The following PYGB variants were observed in gnomAD, a reference collection of about 807,000 sequenced individuals.
The protein encoded by PYGB is glycogen phosphorylase B, also known as glycogen phosphorylase, brain form.
Under a neutral mutation model 94.3 loss-of-function variants are expected in PYGB, and 82 were observed. That is an observed-to-expected ratio of 0.87 (90% confidence interval 0.73 to 1.04). The LOEUF (loss-of-function observed/expected upper bound fraction) is 1.04, where lower values mean the gene tolerates loss of function less well. Ranked by LOEUF, PYGB falls within the 50% of genes least tolerant of loss-of-function variation. The pLI, the probability that PYGB is intolerant of heterozygous loss-of-function variation, is 0.00. For missense variants in PYGB, 1,132 were observed against 1,158.2 expected (o/e 0.98, Z 0.33); for synonymous variants, 488 against 479.1 (o/e 1.02, Z -0.24).
Position 25,280,975 on chromosome 20 carries a change from T to C in PYGB, c.1266T>C (p.Asp422=), listed in dbSNP as rs1451651088. The change falls in exon 11 of 20, where the codon GAT becomes GAC. Residue 422 remains aspartate (D), a synonymous_variant. Transcript: ENST00000216962. ...LDHVAALFPG[D]VDRLRRMSVI... ...ACGTGGCCGCGCTGTTTCCCGGCGA[T>C]GTGGACCGCCTGCGCAGGATGTCTG... is the stretch of plus-strand genomic sequence containing the variant. The C allele has an allele frequency of 6.2e-7, 1 of 1,614,024 alleles. No individual in the cohort carries two copies. Among genetic ancestry groups the C allele is most frequent in the East Asian group, 2.2e-5 (1 of 44,886 alleles).
chr20:25,275,336 C>T lies in PYGB; in HGVS notation c.660+613C>T, dbSNP rs376216064. ...ACGGGTGCCAGGCACGCAGAGGCCA[C>T]GTGAGGGAGCACCCAGTCCAGGCTC... is the stretch of plus-strand genomic sequence containing the variant. On this transcript the variant is annotated intron_variant, in intron 5 of 19. Transcript: ENST00000216962. Among the ~76,000 whole-genome samples the T allele has an allele frequency of 2.6e-4, 39 of 152,318 alleles. No individual in the cohort carries two copies. The East Asian group carries it at 6.4e-3, about 25-fold the overall frequency.
intron 4 of PYGB, 136 bp from the exon 5 acceptor site, chr20:25,274,456 A>G (rs2088292634): frequency 7.9e-7 from 1 of 1,261,340 alleles, no homozygotes; most frequent in Non-Finnish European, 1.1e-6. Flanking sequence ...GGGAATCCCG[A>G]CCTGGTAAGT....
chr20:25,264,156 A>C (rs2092919385), intron 2 of PYGB, among the ~76,000 whole-genome samples: 1 of 152,248 alleles, frequency 6.6e-6, no homozygotes, highest in Admixed American at 6.5e-5. Flanking sequence ...TCCATCATAT[A>C]AACAGAATCA....
intron 15 of PYGB, among the ~76,000 whole-genome samples, chr20:25,289,374 G>A (rs1294938373): frequency 1.3e-5 from 2 of 152,220 alleles, no homozygotes; most frequent in Non-Finnish European, 2.9e-5. Flanking sequence ...GGCTGGGCAC[G>A]GTGTCTCACG....
intron 19 of PYGB, among the ~76,000 whole-genome samples, 180 bp downstream of exon 19, chr20:25,295,850 C>T (rs1462594753): frequency 2.6e-5 from 4 of 152,240 alleles, no homozygotes; most frequent in Non-Finnish European, 5.9e-5. Context: ...CTGTCAATGT[C>T]ACTCCCTCCG....
chr20:25,265,531 G>A (rs1490093615), intron 2 of PYGB, among the ~76,000 whole-genome samples: 1 of 151,818 alleles, frequency 6.6e-6, no homozygotes, highest in Non-Finnish European at 1.5e-5. Flanking sequence ...CTTGTTTGAA[G>A]AAAAGCCTAT....
chr20:25,292,277 C>T lies in PYGB; in HGVS notation c.1970-129C>T, dbSNP rs371268299. 4,921 of 795,544 alleles carry T rather than the reference C, an allele frequency of 6.2e-3. 339 individuals are homozygous for T. The Admixed American group carries it at 0.13, about 21-fold the overall frequency. The allele number at this position is 795,544 out of a possible 1,614,324, so 49.3% of individuals were successfully genotyped here. ...GTGGGAGCGGGAGTGGGGGCTGGAGCGGGGCCACAGCATTGGTCCCTCCAC... is the reference window on the plus strand; with the variant it reads ...GTGGGAGCGGGAGTGGGGGCTGGAGTGGGGCCACAGCATTGGTCCCTCCAC... On this transcript the variant is annotated intron_variant, in intron 16 of 19. Coordinates refer to ENST00000216962, the MANE Select transcript of PYGB (RefSeq NM_002862.4).
rs778149956 is a variant in PYGB at position 25,281,056 on chromosome 20, G to T, written c.1347G>T (p.Gly449=). 3.1e-6 allele frequency: 5 copies of T among 1,614,080 alleles called. No individual in the cohort carries two copies. The highest frequency in any genetic ancestry group is 2.7e-5 in the African/African-American group (2 of 74,940). The change falls in exon 11 of 20, where the codon GGG becomes GGT. Residue 449 remains glycine, a synonymous_variant. Transcript: ENST00000216962. ...ACATGGCCCACCTGTGTGTGATTGGGTCCCATGCTGTCAATGGTGTGGCGA... is the reference window on the plus strand; with the variant it reads ...ACATGGCCCACCTGTGTGTGATTGGTTCCCATGCTGTCAATGGTGTGGCGA... The part of the protein sequence containing the change: ...RINMAHLCVI[G]SHAVNGVARI...
At chr20:25,288,717 C>T in intron 15 of PYGB, 1 of 568,200 alleles carries the variant, frequency 1.8e-6, no homozygotes, top group South Asian at 2.3e-5. Flanking sequence ...GAGGGCCAGT[C>T]CCCAGTGGGC....
intron 7 of PYGB, among the ~76,000 whole-genome samples, chr20:25,278,005 C>G (rs1224667534): frequency 1.3e-5 from 2 of 152,240 alleles, no homozygotes; most frequent in African/African-American, 2.4e-5. Context: ...TCCCCTGTCC[C>G]CATGAGACTG....
intron 10 of PYGB, 123 bp downstream of exon 10, chr20:25,280,535 T>A: frequency 7.5e-7 from 1 of 1,341,396 alleles, no homozygotes; most frequent in Non-Finnish European, 1.0e-6. Flanking sequence ...CAGCAGAGGA[T>A]GCTTGGGGCT....
chr20:25,285,876 C>T (rs990407912), intron 14 of PYGB, among the ~76,000 whole-genome samples: 3 of 152,236 alleles, frequency 2.0e-5, no homozygotes, highest in East Asian at 1.9e-4. Context: ...CCCTGCTGGC[C>T]ACTTTGTGTC....
In PYGB at chr20:25,271,608, G is replaced by C. The variant is rs2088269358; in HGVS notation, c.528+122G>C. On this transcript the variant is annotated intron_variant, in intron 4 of 19. Transcript: ENST00000216962. ...CGCCAGGGGACTGCAGGCCGGCCAG[G>C]GCAATGTGGAGCAGGTCAGGGTAGC... 3 of 1,073,076 alleles carry C rather than the reference G, an allele frequency of 2.8e-6. No individual in the cohort carries two copies. The South Asian group carries it at 4.2e-5, about 15-fold the overall frequency. 66.5% of individuals were successfully genotyped at this position (1,073,076 alleles called of 1,614,324 possible).
intron 3 of PYGB, among the ~76,000 whole-genome samples, chr20:25,270,990 G>C (rs1216283174): frequency 1.3e-5 from 2 of 152,194 alleles, no homozygotes; most frequent in Non-Finnish European, 2.9e-5. Flanking sequence ...GTAGGGTGAG[G>C]CTTGATGTGT....
At chr20:25,271,311 T>C (rs1054324791) in intron 3 of PYGB, 72 bp from the exon 4 acceptor site, 1 of 1,439,642 alleles carries the variant, frequency 6.9e-7, no homozygotes, top group Non-Finnish European at 9.8e-7. Context: ...CCTTGCGCCC[T>C]GTGGGCTGCC....
intron 17 of PYGB, 133 bp downstream of exon 17, chr20:25,292,746 G>A (rs1219219511): frequency 8.3e-7 from 1 of 1,203,652 alleles, no homozygotes; most frequent in Non-Finnish European, 1.1e-6. Flanking sequence ...ACCCAGGGCT[G>A]TGTGCCTGCC....
At chr20:25,248,614 G>C (rs929519814) in intron 1 of PYGB, among the ~76,000 whole-genome samples, 193 bp downstream of exon 1, 15 of 151,874 alleles carry the variant, frequency 9.9e-5, no homozygotes, top group Admixed American at 6.6e-5. Flanking sequence ...CCCCTGCGCA[G>C]GGCCGCGGCC....
At chr20:25,273,261 C>T (rs1256379476) in intron 4 of PYGB, among the ~76,000 whole-genome samples, 1 of 152,214 alleles carries the variant, frequency 6.6e-6, no homozygotes, top group Non-Finnish European at 1.5e-5. Flanking sequence ...ACTAACTCTG[C>T]AGATGGCCAG....
chr20:25,257,176 A>G (rs183805080), intron 1 of PYGB, among the ~76,000 whole-genome samples: 2 of 152,378 alleles, frequency 1.3e-5, no homozygotes, highest in East Asian at 3.8e-4. Context: ...AGCAAAATAG[A>G]CACATCTCAG....
Sources: allele counts gnomAD v4.1 joint callset (sites outside exome capture counted in the v4.1 genomes callset), GRCh38; gene constraint gnomAD v4.1.1; transcripts MANE v1.5; gene names NCBI Gene and HGNC (gene_info 2026-07-23, HGNC 2026-07-21).